The following CPEB4 variants were observed in gnomAD, a reference collection of about 807,000 sequenced individuals.
The protein encoded by CPEB4 is cytoplasmic polyadenylation element binding protein 4, also known as cytoplasmic polyadenylation element-binding protein 4.
A neutral mutation model predicts 72.5 loss-of-function variants in CPEB4; 12 were observed. The ratio of observed to expected loss-of-function variants is 0.17; its 90% CI spans 0.11 to 0.27. CPEB4 has a LOEUF of 0.27. CPEB4 is among the 10% of genes least tolerant of loss of function. The pLI is 1.00. For missense variants in CPEB4, 614 were observed against 908.5 expected, an observed-to-expected ratio of 0.68 and a Z score of 4.17; for synonymous variants, 302 against 326.3, an observed-to-expected ratio of 0.93 and a Z score of 0.80.
intron 3 of CPEB4, among the ~76,000 whole-genome samples, chr5:173,938,373 G>C (rs2113256756): frequency 6.6e-6 from 1 of 152,204 alleles, no homozygotes. Flanking sequence ...TTACAGGCAT[G>C]TGCCACCACA....
At chr5:173,911,681 GTTTT>G (rs67673139) in intron 2 of CPEB4, among the ~76,000 whole-genome samples, 112 of 113,774 alleles carry the variant, frequency 9.8e-4, no homozygotes, top group African/African-American at 3.2e-3. Flanking sequence ...TAGAAAGCAG[GTTTT>G]TTTTTTTTTT....
chr5:173,925,148 G>T (rs1313952308), intron 2 of CPEB4, among the ~76,000 whole-genome samples: 1 of 152,200 alleles, frequency 6.6e-6, no homozygotes, highest in Non-Finnish European at 1.5e-5. Context: ...TTATGGGCCA[G>T]CAGTTCTGAA....
chr5:173,933,713 G>A (rs1455520948), intron 3 of CPEB4, among the ~76,000 whole-genome samples: 1 of 152,150 alleles, frequency 6.6e-6, no homozygotes, highest in Non-Finnish European at 1.5e-5. Context: ...TCCAAGTACT[G>A]GAAATTGTAG....
chr5:173,913,730 T>C (rs939441087), intron 2 of CPEB4, among the ~76,000 whole-genome samples: 1 of 152,196 alleles, frequency 6.6e-6, no homozygotes, highest in Non-Finnish European at 1.5e-5. Context: ...ACAAAATAAA[T>C]TAAGTCTGAT....
chr5:173,895,297 G>T (rs966555593), intron 1 of CPEB4, among the ~76,000 whole-genome samples: 1 of 152,196 alleles, frequency 6.6e-6, no homozygotes, highest in Non-Finnish European at 1.5e-5. Context: ...GGGGTGCCTG[G>T]ATCTTCTATC....
Position 173,960,730 on chromosome 5 carries a change from T to C in CPEB4, c.*4593T>C, listed in dbSNP as rs954702579. 2.0e-5 allele frequency: 3 copies of C among 152,196 alleles called. No homozygotes were observed. Among genetic ancestry groups the C allele is most frequent in the Admixed American group, 2.0e-4 (3 of 15,280 alleles). 9.4% of individuals were successfully genotyped at this position (152,196 alleles called of 1,614,324 possible). On this transcript the variant is annotated 3_prime_UTR_variant, in exon 10 of 10. Transcript: ENST00000265085. ...GTCTTTGTCAATGAATAGTCTTGAT[T>C]TGTGGCCACACTACCAAAGGGCTTG...
intron 1 of CPEB4, among the ~76,000 whole-genome samples, chr5:173,903,866 C>T (rs1756328193): frequency 6.6e-6 from 1 of 152,038 alleles, no homozygotes. Context: ...CTCTCTGAAA[C>T]ATTCATTTTG....
intron 9 of CPEB4, 188 bp downstream of exon 9, chr5:173,953,460 T>C: frequency 2.2e-6 from 1 of 462,048 alleles, no homozygotes; most frequent in South Asian, 6.0e-5. Context: ...GTTTTTTGAG[T>C]AGCCTAATCA....
At position 173,891,551 on chromosome 5, in the gene CPEB4, C is replaced by T. The variant is rs558105208; in HGVS notation, c.1125+693C>T. The T allele has an allele frequency of 2.0e-5, 3 of 152,234 alleles. No homozygotes were observed. The South Asian group carries it at 6.2e-4, about 32-fold the overall frequency. 9.4% of individuals were successfully genotyped at this position (152,234 alleles called of 1,614,324 possible). A position where few individuals can be genotyped will look rare whatever the true frequency, so the allele number is the denominator to read the frequency against. ...TCAGAGTGACTCTTTATGCCTTTCA[C>T]CCGTTTGTTTATTTTCCAATGTTAA... On this transcript the variant is annotated intron_variant, in intron 1 of 9. Transcript: ENST00000265085.
intron 1 of CPEB4, among the ~76,000 whole-genome samples, chr5:173,906,238 G>A (rs1177967364): frequency 6.6e-6 from 1 of 152,144 alleles, no homozygotes; most frequent in Non-Finnish European, 1.5e-5. Context: ...AACCAGCATT[G>A]TTTGTACTGT....
chr5:173,918,812 CTT>C (rs1756971592), intron 2 of CPEB4, among the ~76,000 whole-genome samples: 1 of 152,124 alleles, frequency 6.6e-6, no homozygotes, highest in South Asian at 2.1e-4. Flanking sequence ...GGGAATTTGT[CTT>C]ATGTCATCCA....
In CPEB4 at chr5:173,888,672, A is replaced by AGTGGGTCC; in HGVS notation, c.-1056_-1055insCCGTGGGT. On this transcript the variant is annotated 5_prime_UTR_variant, in exon 1 of 10. Transcript: ENST00000265085. The surrounding 1 kb of genome is among the most constrained non-coding windows in gnomAD (Gnocchi z 4.3). ...CCTTCTCCTTTAAAATAACTACGGT[A>AGTGGGTCC]GTGGGTTTTTCCTTTTTTTCCTCTT... 2.5e-6 allele frequency: 1 copy of AGTGGGTCC among 398,898 alleles called. No individual in the cohort carries two copies. Among genetic ancestry groups the AGTGGGTCC allele is most frequent in the Non-Finnish European group, 4.4e-6 (1 of 225,886 alleles). 24.7% of individuals were successfully genotyped at this position (398,898 alleles called of 1,614,324 possible). A position where few individuals can be genotyped will look rare whatever the true frequency, so the allele number is the denominator to read the frequency against.
intron 2 of CPEB4, among the ~76,000 whole-genome samples, chr5:173,918,959 C>T (rs989193800): frequency 6.6e-6 from 1 of 151,996 alleles, no homozygotes; most frequent in African/African-American, 2.4e-5. Flanking sequence ...GTGAGGGTAA[C>T]GGTGGGCGAG....
At chr5:173,891,004 A>G (rs1755793206) in intron 1 of CPEB4, 146 bp downstream of exon 1, 2 of 811,692 alleles carry the variant, frequency 2.5e-6, no homozygotes, top group South Asian at 2.1e-5. Flanking sequence ...TTATTTTAGC[A>G]GGAGTGTAAT....
intron 1 of CPEB4, among the ~76,000 whole-genome samples, chr5:173,893,434 T>C (rs1452294660): frequency 1.3e-5 from 2 of 152,006 alleles, no homozygotes; most frequent in East Asian, 3.8e-4. Flanking sequence ...TTGGGCAACA[T>C]AGTGAGACCC....
chr5:173,952,940 A>G, intron 8 of CPEB4, 151 bp from the exon 9 acceptor site: 5 of 639,842 alleles, frequency 7.8e-6, no homozygotes, highest in Non-Finnish European at 1.3e-5. Flanking sequence ...GGCTTAACAC[A>G]ATGGATGACT....
intron 1 of CPEB4, among the ~76,000 whole-genome samples, chr5:173,903,539 G>T (rs1038764252): frequency 6.6e-6 from 1 of 152,210 alleles, no homozygotes; most frequent in Non-Finnish European, 1.5e-5. Context: ...GAATGAGACT[G>T]TGGGGATGGA....
intron 1 of CPEB4, chr5:173,893,026 T>G (rs1561602657): frequency 6.8e-6 from 1 of 146,488 alleles, no homozygotes; most frequent in Non-Finnish European, 1.5e-5. Flanking sequence ...TGTGTGTGTG[T>G]GTGTGTGTGT....
intron 2 of CPEB4, among the ~76,000 whole-genome samples, chr5:173,915,004 G>A (rs896735386): frequency 2.0e-5 from 3 of 152,014 alleles, no homozygotes; most frequent in African/African-American, 7.2e-5. Context: ...AAATTGCTAC[G>A]GGAACTACCA....
Sources: gnomAD v4.1 joint callset for allele counts (sites outside exome capture counted in the v4.1 genomes callset) on GRCh38, gnomAD v4.1.1 for gene constraint, Gnocchi (gnomAD v3.1) non-coding constraint, MANE v1.5 for transcripts, NCBI Gene and HGNC (gene_info 2026-07-23, HGNC 2026-07-21) for gene names.